The following SGCD variants were observed in gnomAD, a reference collection of about 807,000 sequenced individuals.
SGCD encodes the protein sarcoglycan delta.
Under a neutral mutation model 36.6 loss-of-function variants are expected in SGCD, and 18 were observed. The ratio of observed to expected loss-of-function variants is 0.49; its 90% CI spans 0.34 to 0.73. The LOEUF is 0.73. Among genes scored for constraint, SGCD ranks in the 30% least tolerant of loss-of-function variants. SGCD has a pLI of 0.01. For missense variants in SGCD, 387 were observed against 346.7 expected (o/e 1.12, Z -0.92); for synonymous variants, 133 against 130.6 (o/e 1.02, Z -0.12).
At chr5:156,124,328 G>C (rs1762116871) in intron 3 of SGCD, among the ~76,000 whole-genome samples, 1 of 152,136 alleles carries the variant, frequency 6.6e-6, no homozygotes, top group Non-Finnish European at 1.5e-5. Flanking sequence ...AAAGAGAAAT[G>C]GGGGTAGATA....
intron 3 of SGCD, among the ~76,000 whole-genome samples, chr5:156,366,708 C>G (rs1770125916): frequency 6.6e-6 from 1 of 152,092 alleles, no homozygotes; most frequent in Non-Finnish European, 1.5e-5. Flanking sequence ...TTCTTCTGAG[C>G]TGAACCTAGT....
chr5:155,945,314 GAGAGAGAACTTTT>G (rs1189377078), intron 1 of SGCD, among the ~76,000 whole-genome samples: 1 of 152,186 alleles, frequency 6.6e-6, no homozygotes, highest in Non-Finnish European at 1.5e-5. Flanking sequence ...ATAGGGAAGG[GAGAGAGAACTTTT>G]AGTCATTCAT....
At chr5:156,117,290 G>A (rs1444265344) in intron 1 of SGCD, among the ~76,000 whole-genome samples, 1 of 151,868 alleles carries the variant, frequency 6.6e-6, no homozygotes, top group Non-Finnish European at 1.5e-5. Context: ...TACAACCAAG[G>A]TGTTATGCCC....
intron 4 of SGCD, among the ~76,000 whole-genome samples, chr5:156,522,322 C>T (rs748629759): frequency 4.0e-5 from 6 of 151,860 alleles, no homozygotes; most frequent in Non-Finnish European, 8.8e-5. Flanking sequence ...TGCACATGTA[C>T]CCTAGAACTT....
At chr5:156,581,842 C>G (rs1760275585) in intron 4 of SGCD, among the ~76,000 whole-genome samples, 1 of 152,200 alleles carries the variant, frequency 6.6e-6, no homozygotes, top group Admixed American at 6.5e-5. Context: ...CTTCCCTTGG[C>G]TAGGAAAGAG....
chr5:156,720,484 T>TA (rs1273854359), intron 7 of SGCD, among the ~76,000 whole-genome samples: 1 of 152,152 alleles, frequency 6.6e-6, no homozygotes, highest in Non-Finnish European at 1.5e-5. Context: ...GCACAGTAAC[T>TA]GATGTATCTA....
intron 6 of SGCD, among the ~76,000 whole-genome samples, chr5:156,605,271 A>T (rs530912786): frequency 1.3e-5 from 2 of 152,132 alleles, no homozygotes; most frequent in African/African-American, 2.4e-5. Flanking sequence ...TCATTCTTCA[A>T]TTCCCACCTA....
chr5:156,495,306 C>A (rs1046596790), intron 3 of SGCD, among the ~76,000 whole-genome samples: 1 of 152,116 alleles, frequency 6.6e-6, no homozygotes, highest in Non-Finnish European at 1.5e-5. Flanking sequence ...CCAATTTGGA[C>A]ATTATAACTT....
Position 156,344,320 on chromosome 5 carries a change from A to C in SGCD, c.4-169A>C, listed in dbSNP as rs76348482. 0.014 allele frequency among the ~76,000 whole-genome samples: 2,141 copies of C among 152,354 alleles called. 22 individuals are homozygous for C. The highest frequency in any genetic ancestry group is 0.023 in the Non-Finnish European group (1,584 of 68,030). On this transcript the variant is annotated intron_variant, in intron 2 of 8. Coordinates refer to ENST00000337851, the MANE Select transcript of SGCD (RefSeq NM_000337.6). Reference sequence around the variant, plus strand: ...TGAGAAGCCTCAAGCTAGCATCCAGAGAAGTCACTTTTGTCCAGAGGAAAC... The same window carrying C: ...TGAGAAGCCTCAAGCTAGCATCCAGCGAAGTCACTTTTGTCCAGAGGAAAC...
intron 1 of SGCD, among the ~76,000 whole-genome samples, chr5:155,901,239 G>T (rs1398230057): frequency 2.0e-5 from 3 of 151,566 alleles, no homozygotes; most frequent in African/African-American, 7.3e-5. Context: ...TTGAACCCGG[G>T]AGGCGGAGGT....
chr5:155,839,240 G>C, the SGCD span, among the ~76,000 whole-genome samples: 2 of 152,322 alleles, frequency 1.3e-5, no homozygotes, highest in South Asian at 4.1e-4. Context: ...GCGAGAAAAG[G>C]TTGTAATGAT....
At chr5:155,775,670 A>G in the SGCD span, among the ~76,000 whole-genome samples, 1 of 152,178 alleles carries the variant, frequency 6.6e-6, no homozygotes, top group Non-Finnish European at 1.5e-5. Flanking sequence ...ATAAGCAAAC[A>G]GGGTGAAAAT....
At chr5:156,217,627 GA>G (rs1434969828) in intron 3 of SGCD, among the ~76,000 whole-genome samples, 3 of 152,066 alleles carry the variant, frequency 2.0e-5, no homozygotes, top group African/African-American at 7.2e-5. Flanking sequence ...AAAATGCTGA[GA>G]ATGCTTTAAC....
intron 3 of SGCD, among the ~76,000 whole-genome samples, chr5:156,196,047 T>G (rs896494234): frequency 6.6e-6 from 1 of 152,148 alleles, no homozygotes; most frequent in Non-Finnish European, 1.5e-5. Context: ...TTCTAAAGTC[T>G]AGATCCCAGA....
chr5:156,387,292 G>C (rs1216434634), intron 3 of SGCD, among the ~76,000 whole-genome samples: 3 of 152,170 alleles, frequency 2.0e-5, no homozygotes, highest in Non-Finnish European at 4.4e-5. Flanking sequence ...TAGAAATTCA[G>C]ATTCTGTTTC....
At chr5:156,704,721 G>A (rs536264860) in intron 7 of SGCD, among the ~76,000 whole-genome samples, 15 of 152,048 alleles carry the variant, frequency 9.9e-5, no homozygotes, top group African/African-American at 1.9e-4. Flanking sequence ...TGGTATCTTC[G>A]TTTTATATTG....
intron 2 of SGCD, among the ~76,000 whole-genome samples, chr5:156,342,894 A>G (rs1768739338): frequency 6.6e-6 from 1 of 152,210 alleles, no homozygotes; most frequent in African/African-American, 2.4e-5. Context: ...CAATCATTCC[A>G]CACACATATT....
chr5:156,668,074 C>T (rs775014688), intron 7 of SGCD, among the ~76,000 whole-genome samples: 1 of 152,236 alleles, frequency 6.6e-6, no homozygotes, highest in South Asian at 2.1e-4. Flanking sequence ...ATTATGTTGC[C>T]TCTATTTTTT....
chr5:156,363,848 T>C (rs1026221048), intron 3 of SGCD, among the ~76,000 whole-genome samples: 3 of 152,224 alleles, frequency 2.0e-5, no homozygotes, highest in Admixed American at 2.0e-4. Context: ...GGGGATGTCA[T>C]TGCTTCAGGA....
Sources: allele counts gnomAD v4.1 joint callset (sites outside exome capture counted in the v4.1 genomes callset), GRCh38; gene constraint gnomAD v4.1.1; transcripts MANE v1.5; gene names NCBI Gene and HGNC (gene_info 2026-07-23, HGNC 2026-07-21).